The following TMED10 variants were observed in gnomAD, a reference collection of about 807,000 sequenced individuals.
The protein encoded by TMED10 is transmembrane p24 trafficking protein 10, also known as transmembrane emp24 domain-containing protein 10.
Under a neutral mutation model 23.1 loss-of-function variants are expected in TMED10, and 7 were observed. The ratio of observed to expected loss-of-function variants is 0.30; its 90% CI spans 0.17 to 0.57. The LOEUF is 0.57. TMED10 is among the 20% of genes least tolerant of loss of function. The probability of loss-of-function intolerance (pLI) is 0.91; values close to 1 mark genes in which losing one functional copy is unlikely to be tolerated. For synonymous variants in TMED10, 113 were observed against 106.9 expected, an observed-to-expected ratio of 1.06 and a Z score of -0.35; for missense variants, 162 against 274.8, an observed-to-expected ratio of 0.59 and a Z score of 2.90.
chr14:75,166,869 AG>A (rs1381719734), intron 1 of TMED10, among the ~76,000 whole-genome samples: 2 of 152,036 alleles, frequency 1.3e-5, no homozygotes, highest in East Asian at 1.9e-4. Context: ...GGCATAAGTA[AG>A]GGTTCATGGG....
At chr14:75,160,343 G>A (rs1896071197) in intron 1 of TMED10, among the ~76,000 whole-genome samples, 1 of 152,026 alleles carries the variant, frequency 6.6e-6, no homozygotes, top group Non-Finnish European at 1.5e-5. Flanking sequence ...TAGGAAACTG[G>A]GCCAAACTCA....
At chr14:75,171,210 T>C (rs1364923579) in intron 1 of TMED10, among the ~76,000 whole-genome samples, 2 of 149,988 alleles carry the variant, frequency 1.3e-5, no homozygotes, top group Non-Finnish European at 3.0e-5. Context: ...GAAGGGGTGG[T>C]GAGGAACAAA....
At chr14:75,171,468 C>T (rs956508221) in intron 1 of TMED10, among the ~76,000 whole-genome samples, 2 of 151,952 alleles carry the variant, frequency 1.3e-5, no homozygotes, top group African/African-American at 4.8e-5. Context: ...TTGGTGAAGA[C>T]GGGGTTTCAC....
At chr14:75,135,708 G>A in intron 4 of TMED10, 52 bp downstream of exon 4, 1 of 1,594,770 alleles carries the variant, frequency 6.3e-7, no homozygotes, top group Non-Finnish European at 8.5e-7. Context: ...AAAGTTTGGA[G>A]ACTGTCTCAT....
chr14:75,173,739 G>A (rs1896265028), intron 1 of TMED10, among the ~76,000 whole-genome samples: 1 of 152,056 alleles, frequency 6.6e-6, no homozygotes. Flanking sequence ...GCTTTGTTTT[G>A]TTTTGTTTTG....
At position 75,131,925 on chromosome 14, in the gene TMED10, G is replaced by A. The variant is rs1174128968; in HGVS notation, c.*2960C>T. On this transcript the variant is annotated 3_prime_UTR_variant, in exon 5 of 5. Coordinates refer to ENST00000303575, the MANE Select transcript of TMED10 (RefSeq NM_006827.6). ...CACACTTGGGAACAAAAGCATCAACGAAATAAAATATTCTCTTCTCCTATC... is the reference window on the plus strand; with the variant it reads ...CACACTTGGGAACAAAAGCATCAACAAAATAAAATATTCTCTTCTCCTATC... 6.6e-6 allele frequency: 1 copy of A among 152,400 alleles called. No homozygotes were observed. Among genetic ancestry groups the A allele is most frequent in the Non-Finnish European group, 1.5e-5 (1 of 68,028 alleles). The allele number at this position is 152,400 out of a possible 1,614,324, so 9.4% of individuals were successfully genotyped here. A position where few individuals can be genotyped will look rare whatever the true frequency, so the allele number is the denominator to read the frequency against.
At position 75,171,234 on chromosome 14, in the gene TMED10, A is replaced by G. The variant is rs115553326; in HGVS notation, c.225+5121T>C. ...GTGAGGAACAAAGCAGAGGATGGAAAAGGGAAGGAAAGGGAGAGAGTTAAA... is the reference window on the plus strand; with the variant it reads ...GTGAGGAACAAAGCAGAGGATGGAAGAGGGAAGGAAAGGGAGAGAGTTAAA... On this transcript the variant is annotated intron_variant, in intron 1 of 4. Transcript: ENST00000303575. Among the ~76,000 whole-genome samples, 1,437 of 152,092 alleles carry G rather than the reference A, an allele frequency of 9.4e-3. 26 individuals are homozygous for G. Among genetic ancestry groups the G allele is most frequent in the African/African-American group, 0.033 (1,352 of 41,472 alleles).
intron 3 of TMED10, among the ~76,000 whole-genome samples, chr14:75,147,115 A>C (rs1895893520): frequency 6.6e-6 from 1 of 152,010 alleles, no homozygotes; most frequent in African/African-American, 2.4e-5. Flanking sequence ...TGTTTTATCA[A>C]ACCAACATTC....
chr14:75,152,222 C>T lies in TMED10; in HGVS notation c.226-79G>A, dbSNP rs1895963194. ...CTTACAGAAACTGGGAAGATAGAGA[C>T]ACTATCTATGAAAGACAATTGATAG... On this transcript the variant is annotated intron_variant, in intron 1 of 4. Coordinates refer to ENST00000303575, the MANE Select transcript of TMED10 (RefSeq NM_006827.6). 3.5e-6 allele frequency: 4 copies of T among 1,137,480 alleles called. 1 individual carries two copies. The highest frequency in any genetic ancestry group is 5.2e-6 in the Non-Finnish European group (4 of 774,034). 70.5% of individuals were successfully genotyped at this position (1,137,480 alleles called of 1,614,324 possible).
rs1895727458 is a variant in TMED10, at chr14:75,134,782, A to G, written c.*103T>C. On this transcript the variant is annotated 3_prime_UTR_variant, in exon 5 of 5. Coordinates refer to ENST00000303575, the MANE Select transcript of TMED10 (RefSeq NM_006827.6). Reference sequence around the variant, plus strand: ...GATCAGTTCTGGCAAGAAAGCTCCAACGTGCCTTGATGGTGCTGTTGGTAG... The same window carrying G: ...GATCAGTTCTGGCAAGAAAGCTCCAGCGTGCCTTGATGGTGCTGTTGGTAG... The G allele has an allele frequency of 6.6e-7, 1 of 1,515,248 alleles. No individual in the cohort carries two copies. The highest frequency in any genetic ancestry group is 9.0e-7 in the Non-Finnish European group (1 of 1,105,192). The allele number at this position is 1,515,248 out of a possible 1,614,324, so 93.9% of individuals were successfully genotyped here.
At chr14:75,175,750 G>GA (rs1004486680) in intron 1 of TMED10, among the ~76,000 whole-genome samples, 80 of 137,360 alleles carry the variant, frequency 5.8e-4, no homozygotes, top group East Asian at 1.4e-3. Context: ...TAATAATTTT[G>GA]AAAAAAAAAA....
At chr14:75,160,901 G>A (rs1478781989) in intron 1 of TMED10, among the ~76,000 whole-genome samples, 18 of 152,024 alleles carry the variant, frequency 1.2e-4, no homozygotes, top group Admixed American at 7.9e-4. Flanking sequence ...AAAATTAGCC[G>A]GGCATGGTGG....
chr14:75,152,885 C>G (rs1012310592), intron 1 of TMED10, among the ~76,000 whole-genome samples: 1 of 151,922 alleles, frequency 6.6e-6, no homozygotes, highest in African/African-American at 2.4e-5. Flanking sequence ...TTTGGGAGGC[C>G]GAGGCGGATG....
intron 3 of TMED10, among the ~76,000 whole-genome samples, chr14:75,137,691 A>AT (rs1491465873): frequency 0.024 from 3,314 of 136,152 alleles, 164 homozygotes; most frequent in Admixed American, 0.06. Flanking sequence ...AAAAAAAAAA[A>AT]TTCTGTTTCT....
chr14:75,170,053 C>T (rs558923578), intron 1 of TMED10, among the ~76,000 whole-genome samples: 1 of 145,862 alleles, frequency 6.9e-6, no homozygotes, highest in African/African-American at 2.8e-5. Flanking sequence ...CGGTGAAATA[C>T]AAAAAATACA....
At chr14:75,141,774 G>T (rs1895825324) in intron 3 of TMED10, among the ~76,000 whole-genome samples, 2 of 152,120 alleles carry the variant, frequency 1.3e-5, no homozygotes, top group Non-Finnish European at 2.9e-5. Context: ...GCTATATTAG[G>T]CCACAAGGAT....
At chr14:75,144,946 A>G in intron 3 of TMED10, among the ~76,000 whole-genome samples, 1 of 152,238 alleles carries the variant, frequency 6.6e-6, no homozygotes, top group East Asian at 1.9e-4. Context: ...GGTGTGAGCC[A>G]CCGTGCCCTG....
intron 1 of TMED10, among the ~76,000 whole-genome samples, chr14:75,164,025 A>AT (rs1896118013): frequency 6.6e-6 from 1 of 152,096 alleles, no homozygotes. Context: ...ACTGTTGGTG[A>AT]TAACTCAGAA....
chr14:75,142,031 C>T (rs1895828854), intron 3 of TMED10, among the ~76,000 whole-genome samples: 2 of 152,146 alleles, frequency 1.3e-5, no homozygotes, highest in South Asian at 4.1e-4. Context: ...TGTTGTTCTG[C>T]TCTTGTAAGC....
Sources: allele counts gnomAD v4.1 joint callset (sites outside exome capture counted in the v4.1 genomes callset), GRCh38; gene constraint gnomAD v4.1.1; transcripts MANE v1.5; gene names NCBI Gene and HGNC (gene_info 2026-07-23, HGNC 2026-07-21).